TSC1: variants seen among roughly 807,000 people sequenced by gnomAD.
TSC1 encodes TSC complex subunit 1.
A neutral mutation model predicts 124.3 loss-of-function variants in TSC1; 20 were observed. The observed-to-expected ratio is 0.16, with a 90% CI of 0.11 to 0.23. The LOEUF (loss-of-function observed/expected upper bound fraction) is 0.23, where lower values mean the gene tolerates loss of function less well. Among genes scored for constraint, TSC1 ranks in the 10% least tolerant of loss-of-function variants. The pLI is 1.00. For synonymous variants in TSC1, 493 were observed against 539.1 expected (o/e 0.91, Z 1.19); for missense variants, 1,124 against 1,448.5 (o/e 0.78, Z 3.64).
intron 13 of TSC1, 117 bp downstream of exon 13, chr9:132,907,184 G>A (rs1403899820): frequency 9.7e-6 from 8 of 828,118 alleles, no homozygotes; most frequent in Non-Finnish European, 1.6e-5. Context: ...TTATGTTTAG[G>A]CCTCAGTATT....
At chr9:132,944,389 G>A (rs919697281) in intron 1 of TSC1, among the ~76,000 whole-genome samples, 154 bp downstream of exon 1, 9 of 152,158 alleles carry the variant, frequency 5.9e-5, no homozygotes, top group South Asian at 2.1e-4. Flanking sequence ...TAAGAGGGAG[G>A]GGAGAGCTCT....
At position 132,922,000 on chromosome 9, in the gene TSC1, C is replaced by T. The variant is rs2132163932; in HGVS notation, c.509-27G>A. ...TAGAAAAGGAACCCGTTGAGAAGAGCCTCTTAGTTGGAGACAGATTGAGGA... is the reference window on the plus strand; with the variant it reads ...TAGAAAAGGAACCCGTTGAGAAGAGTCTCTTAGTTGGAGACAGATTGAGGA... On this transcript the variant is annotated intron_variant, in intron 6 of 22. Coordinates refer to ENST00000298552, the MANE Select transcript of TSC1 (RefSeq NM_000368.5). This position sits in a 1 kb window ranked among gnomAD's most constrained non-coding sequence, Gnocchi z 4.3. The T allele has an allele frequency of 1.9e-6, 3 of 1,613,862 alleles. No individual in the cohort carries two copies. The highest frequency in any genetic ancestry group is 2.5e-6 in the Non-Finnish European group (3 of 1,179,874).
chr9:132,907,757 TG>T (rs2131890231), intron 12 of TSC1, among the ~76,000 whole-genome samples: 1 of 152,150 alleles, frequency 6.6e-6, no homozygotes, highest in African/African-American at 2.4e-5. Context: ...CCCAAAGTGC[TG>T]GGACCACGCC....
intron 3 of TSC1, 61 bp from the exon 4 acceptor site, chr9:132,927,365 A>G: frequency 6.7e-7 from 1 of 1,499,518 alleles, no homozygotes. Flanking sequence ...AATTTACCTT[A>G]CACAGCTTCC....
chr9:132,905,987 C>T lies in TSC1; in HGVS notation c.1591G>A (p.Val531Met), dbSNP rs377279170. Residue 531 changes from valine to methionine, a missense_variant, in exon 15 of 23, where the codon GTG becomes ATG. By Grantham distance (21) the Val-to-Met change is conservative. Transcript: ENST00000298552. The part of the protein sequence containing the change: ...SAASSSQGAS[V>M]NPEPLHSSLD... ...GAGGAGTGTAAAGGCTCAGGGTTCA[C>T]GCTGGCGCCCTGAGAACTGGAGGCT... 8.1e-6 allele frequency: 13 copies of T among 1,613,928 alleles called. No homozygotes were observed. The highest frequency in any genetic ancestry group is 1.6e-4 in the Middle Eastern group (1 of 6,076).
At chr9:132,930,249 A>G (rs1198652273) in intron 2 of TSC1, among the ~76,000 whole-genome samples, 1 of 152,160 alleles carries the variant, frequency 6.6e-6, no homozygotes, top group Admixed American at 6.5e-5. Context: ...TTTGAGAAAC[A>G]CTATGATAAA....
chr9:132,902,899 A>C lies in TSC1; in HGVS notation c.2209-112T>G. Reference sequence around the variant, plus strand: ...CATAAGCTACCCTGAAAATGTAACTAACTACAGACCAAAACTCTTAGAGCT... The same window carrying C: ...CATAAGCTACCCTGAAAATGTAACTCACTACAGACCAAAACTCTTAGAGCT... On this transcript the variant is annotated intron_variant, in intron 17 of 22. Transcript: ENST00000298552. The surrounding 1 kb of genome is among the most constrained non-coding windows in gnomAD (Gnocchi z 5.2). The C allele has an allele frequency of 7.3e-7, 1 of 1,377,574 alleles. No homozygotes were observed. The highest frequency in any genetic ancestry group is 1.0e-6 in the Non-Finnish European group (1 of 979,206). The allele number at this position is 1,377,574 out of a possible 1,614,324, so 85.3% of individuals were successfully genotyped here.
rs114970627 is a variant in TSC1 at position 132,928,888 on chromosome 9, C to T, written c.-16G>A. ...GTTGGGCCATTCTCTCGCTCGAAGGCGCTGTGCTGGCTCCAGGACGTGTGC... is the reference window on the plus strand; with the variant it reads ...GTTGGGCCATTCTCTCGCTCGAAGGTGCTGTGCTGGCTCCAGGACGTGTGC... On this transcript the variant is annotated 5_prime_UTR_variant, in exon 3 of 23. Transcript: ENST00000298552. The T allele has an allele frequency of 6.9e-5, 111 of 1,613,888 alleles. No homozygotes were observed. Among genetic ancestry groups the T allele is most frequent in the African/African-American group, 1.3e-4 (10 of 75,058 alleles).
intron 8 of TSC1, among the ~76,000 whole-genome samples, chr9:132,918,730 A>T (rs929183793): frequency 6.6e-6 from 1 of 152,218 alleles, no homozygotes; most frequent in African/African-American, 2.4e-5. Flanking sequence ...GACCAGCTCA[A>T]GAAGAAAACA....
Position 132,896,107 on chromosome 9 carries a change from A to G in TSC1, c.*128T>C. 2 of 1,399,028 alleles carry G rather than the reference A, an allele frequency of 1.4e-6. No homozygotes were observed. Among genetic ancestry groups the G allele is most frequent in the South Asian group, 2.4e-5 (2 of 84,392 alleles). 86.7% of individuals were successfully genotyped at this position (1,399,028 alleles called of 1,614,324 possible). A position where few individuals can be genotyped will look rare whatever the true frequency, so the allele number is the denominator to read the frequency against. The stretch of plus-strand genomic sequence containing the variant: ...CTGCATTCAGTCAGCTGTCCAAAGG[A>G]CCTCCGTCCCATTTCCACACATGAA... On this transcript the variant is annotated 3_prime_UTR_variant, in exon 23 of 23. Coordinates refer to ENST00000298552, the MANE Select transcript of TSC1 (RefSeq NM_000368.5). The surrounding 1 kb of genome is among the most constrained non-coding windows in gnomAD (Gnocchi z 4.5).
Position 132,896,149 on chromosome 9 carries a change from G to C in TSC1, c.*86C>G. The stretch of plus-strand genomic sequence containing the variant: ...ACACATGAACTTGCACTCAGACCCT[G>C]GAAACAGGAAAGCTTTGAAACGTGC... On this transcript the variant is annotated 3_prime_UTR_variant, in exon 23 of 23. Coordinates refer to ENST00000298552, the MANE Select transcript of TSC1 (RefSeq NM_000368.5). This position sits in a 1 kb window ranked among gnomAD's most constrained non-coding sequence, Gnocchi z 4.5. 1 of 1,592,476 alleles carries C rather than the reference G, an allele frequency of 6.3e-7. No individual in the cohort carries two copies. The highest frequency in any genetic ancestry group is 8.6e-7 in the Non-Finnish European group (1 of 1,165,002).
chr9:132,910,561 T>C lies in TSC1; in HGVS notation c.1263+10A>G, dbSNP rs1260305500. On this transcript the variant is annotated intron_variant, in intron 12 of 22. Coordinates refer to ENST00000298552, the MANE Select transcript of TSC1 (RefSeq NM_000368.5). ...CTGGGCAGAGGGATAGCAGACGAGC[T>C]GGATCGCACCTTCCTGGGGGGTGTG... 1 of 1,613,928 alleles carries C rather than the reference T, an allele frequency of 6.2e-7. No individual in the cohort carries two copies. The highest frequency in any genetic ancestry group is 1.7e-5 in the Admixed American group (1 of 60,002).
intron 1 of TSC1, chr9:132,941,300 T>C (rs1847726372): frequency 6.6e-6 from 1 of 152,234 alleles, no homozygotes; most frequent in African/African-American, 2.4e-5. Flanking sequence ...ATACACAGTA[T>C]ATAAAATTTG....
Position 132,893,282 on chromosome 9 carries a change from G to T in TSC1, c.*2953C>A. ...GCTGGTCCTAAAACTCATCTCCAAG[G>T]ACATCTTTCACAACTTCTCCATCTA... On this transcript the variant is annotated 3_prime_UTR_variant, in exon 23 of 23. Transcript: ENST00000298552. The T allele has an allele frequency of 4.3e-6, 1 of 233,220 alleles. No individual in the cohort carries two copies. The highest frequency in any genetic ancestry group is 8.5e-6 in the Non-Finnish European group (1 of 118,056). 14.4% of individuals were successfully genotyped at this position (233,220 alleles called of 1,614,324 possible). A position where few individuals can be genotyped will look rare whatever the true frequency, so the allele number is the denominator to read the frequency against.
Position 132,906,382 on chromosome 9 carries a change from C to A in TSC1, c.1439-243G>T. 1.7e-6 allele frequency: 1 copy of A among 571,760 alleles called. No individual in the cohort carries two copies. Among genetic ancestry groups the A allele is most frequent in the South Asian group, 2.0e-5 (1 of 50,692 alleles). 35.4% of individuals were successfully genotyped at this position (571,760 alleles called of 1,614,324 possible). ...ACAACATAGGGAGATCCCATCTCTA[C>A]AAAAAATACAATAAAAATCAGCTGA... On this transcript the variant is annotated intron_variant, in intron 14 of 22. Coordinates refer to ENST00000298552, the MANE Select transcript of TSC1 (RefSeq NM_000368.5). The surrounding 1 kb of genome is among the most constrained non-coding windows in gnomAD (Gnocchi z 4.1).
At chr9:132,917,689 C>T (rs535414186) in intron 8 of TSC1, among the ~76,000 whole-genome samples, 6 of 152,256 alleles carry the variant, frequency 3.9e-5, no homozygotes, top group African/African-American at 1.4e-4. Context: ...ACTGATCATT[C>T]TAAATCTCTG....
At chr9:132,911,628 A>T in intron 9 of TSC1, 60 bp from the exon 10 acceptor site, 3 of 113,066 alleles carry the variant, frequency 2.7e-5, no homozygotes, top group East Asian at 2.0e-4. Context: ...TTCTGGTTAA[A>T]AAAAAAAAAA....
At chr9:132,922,617 A>T (rs1320288477) in intron 6 of TSC1, among the ~76,000 whole-genome samples, 1 of 152,218 alleles carries the variant, frequency 6.6e-6, no homozygotes, top group African/African-American at 2.4e-5. Context: ...CGGCCACAGT[A>T]TACATAAAGG....
chr9:132,924,702 T>C (rs1316390332), intron 5 of TSC1: 1 of 152,246 alleles, frequency 6.6e-6, no homozygotes, highest in Non-Finnish European at 1.5e-5. Flanking sequence ...TAGATTATAT[T>C]CTCATCAATC....
Sources: gnomAD v4.1 joint callset for allele counts (sites outside exome capture counted in the v4.1 genomes callset) on GRCh38, gnomAD v4.1.1 for gene constraint, Gnocchi (gnomAD v3.1) non-coding constraint, MANE v1.5 for transcripts, NCBI Gene and HGNC (gene_info 2026-07-23, HGNC 2026-07-21) for gene names.